The following CACNA1S variants were observed in gnomAD, a reference collection of about 807,000 sequenced individuals.
The protein encoded by CACNA1S is calcium voltage-gated channel subunit alpha1 S, also known as voltage-dependent L-type calcium channel subunit alpha-1S.
Under a neutral mutation model 207.4 loss-of-function variants are expected in CACNA1S, and 126 were observed. The observed-to-expected ratio is 0.61, with a 90% CI of 0.53 to 0.70. The LOEUF (loss-of-function observed/expected upper bound fraction) is 0.70. Ranked by LOEUF, CACNA1S falls within the 30% of genes least tolerant of loss-of-function variation. The probability of loss-of-function intolerance (pLI) is 0.00; values close to 1 mark genes in which losing one functional copy is unlikely to be tolerated. For missense variants in CACNA1S, 2,349 were observed against 2,422.8 expected (o/e 0.97, Z 0.64); for synonymous variants, 960 against 932.7 (o/e 1.03, Z -0.53).
chr1:201,068,399 T>C (rs930910780), intron 19 of CACNA1S, among the ~76,000 whole-genome samples: 18 of 150,900 alleles, frequency 1.2e-4, no homozygotes, highest in South Asian at 4.2e-4. Context: ...CCTGCCGCCA[T>C]GCCTGCCTAA....
At chr1:201,060,906 G>A in intron 25 of CACNA1S, 90 bp from the exon 26 acceptor site, 2 of 1,505,662 alleles carry the variant, frequency 1.3e-6, no homozygotes, top group Non-Finnish European at 1.8e-6. Flanking sequence ...GGCAAGTCAG[G>A]AGCAGCTGTG....
rs2275484 is a variant in CACNA1S, at chr1:201,062,603, G to C, written c.2854-89C>G. On this transcript the variant is annotated intron_variant, in intron 22 of 43. Coordinates refer to ENST00000362061, the MANE Select transcript of CACNA1S (RefSeq NM_000069.3). ...GGGCTCTGGGAGTGAACAGTGGAAGGGGGGAGGGAAGGCAGGCATCTGAAA... is the reference window on the plus strand; with the variant it reads ...GGGCTCTGGGAGTGAACAGTGGAAGCGGGGAGGGAAGGCAGGCATCTGAAA... The C allele has an allele frequency of 0.021, 24,263 of 1,162,068 alleles. 1,060 individuals carry two copies. Among genetic ancestry groups the C allele is most frequent in the East Asian group, 0.15 (6,091 of 41,648 alleles). 72.0% of individuals were successfully genotyped at this position (1,162,068 alleles called of 1,614,324 possible).
intron 2 of CACNA1S, among the ~76,000 whole-genome samples, chr1:201,102,081 C>G (rs1308006455): frequency 6.6e-6 from 1 of 152,176 alleles, no homozygotes; most frequent in Non-Finnish European, 1.5e-5. Flanking sequence ...CCAAGGCTTC[C>G]TTGTGCCTCC....
At chr1:201,052,462 C>T in intron 32 of CACNA1S, 95 bp downstream of exon 32, 3 of 961,172 alleles carry the variant, frequency 3.1e-6, no homozygotes, top group Non-Finnish European at 5.1e-6. Context: ...AGGTCACACA[C>T]CCATGAAGCC....
At chr1:201,050,909 A>G in intron 33 of CACNA1S, 75 bp downstream of exon 33, 1 of 1,491,424 alleles carries the variant, frequency 6.7e-7, no homozygotes, top group Non-Finnish European at 9.3e-7. Flanking sequence ...ACTGGCCAGG[A>G]AGGGGCAGGC....
At chr1:201,103,407 A>G (rs1273907309) in intron 2 of CACNA1S, among the ~76,000 whole-genome samples, 1 of 152,082 alleles carries the variant, frequency 6.6e-6, no homozygotes, top group Non-Finnish European at 1.5e-5. Flanking sequence ...GAGCTAGCAA[A>G]GCTTGGGCAA....
chr1:201,065,386 G>T (rs2102581149), intron 22 of CACNA1S, among the ~76,000 whole-genome samples: 1 of 152,342 alleles, frequency 6.6e-6, no homozygotes, highest in East Asian at 1.9e-4. Context: ...TGATTTAGGA[G>T]AGTTGTATTT....
Position 201,112,284 on chromosome 1 carries a change from G to T in CACNA1S, c.56C>A (p.Pro19Gln). Reference sequence around the variant, plus strand: ...TGGCCTTGGCAGAATCTCAGGAACTGGCTTCTTGGGCTGTTTCTTCCTCAG... The same window carrying T: ...TGGCCTTGGCAGAATCTCAGGAACTTGCTTCTTGGGCTGTTTCTTCCTCAG... The part of the protein sequence containing the change: ...EGLRKKQPKK[P>Q]VPEILPRPPR... Residue 19 changes from proline to glutamine, a missense_variant, in exon 1 of 44, where the codon CCA becomes CAA. Coordinates refer to ENST00000362061, the MANE Select transcript of CACNA1S (RefSeq NM_000069.3). 6.2e-7 allele frequency: 1 copy of T among 1,613,930 alleles called. No homozygotes were observed. The highest frequency in any genetic ancestry group is 8.5e-7 in the Non-Finnish European group (1 of 1,179,962).
At chr1:201,056,989 G>A (rs968017108) in intron 28 of CACNA1S, among the ~76,000 whole-genome samples, 87 of 152,218 alleles carry the variant, frequency 5.7e-4, no homozygotes, top group East Asian at 9.6e-4. Context: ...GGATCACTGC[G>A]GGAACCCCCT....
Position 201,112,171 on chromosome 1 carries a change from C to G in CACNA1S, c.152+17G>C, listed in dbSNP as rs113558244. ...ATGACGCACACCCCCCCCCACGGCC[C>G]GGGCCCTGAAGGATACTTCCATTCT... is the stretch of plus-strand genomic sequence containing the variant. On this transcript the variant is annotated intron_variant, in intron 1 of 43. Transcript: ENST00000362061. 17,247 of 1,609,462 alleles carry G rather than the reference C, an allele frequency of 0.011. 740 individuals are homozygous for G. In the African/African-American group the frequency reaches 0.11, roughly 10 times the overall value.
intron 19 of CACNA1S, among the ~76,000 whole-genome samples, chr1:201,068,934 G>C (rs758483518): frequency 2.0e-5 from 3 of 152,182 alleles, no homozygotes; most frequent in Non-Finnish European, 4.4e-5. Flanking sequence ...CTGTGGATGG[G>C]GGAGCCACAG....
chr1:201,058,784 T>C (rs1430629927), intron 27 of CACNA1S, among the ~76,000 whole-genome samples: 1 of 152,126 alleles, frequency 6.6e-6, no homozygotes, highest in Non-Finnish European at 1.5e-5. Flanking sequence ...AGAGATCTCT[T>C]TCATCCCCTG....
In CACNA1S at chr1:201,041,669, C is replaced by T. The variant is rs1660218815; in HGVS notation, c.5049-80G>A. 5 of 1,080,162 alleles carry T rather than the reference C, an allele frequency of 4.6e-6. No homozygotes were observed. The Admixed American group carries it at 7.4e-5, about 16-fold the overall frequency. 66.9% of individuals were successfully genotyped at this position (1,080,162 alleles called of 1,614,324 possible). On this transcript the variant is annotated intron_variant, in intron 40 of 43. Transcript: ENST00000362061. ...TCCCTGCCTCTCTGGCCCCAAACAT[C>T]CTTTTCCCTCAGAGCCTGTACAAGG... is the stretch of plus-strand genomic sequence containing the variant.
chr1:201,077,831 G>T, intron 11 of CACNA1S, 48 bp downstream of exon 11: 2 of 1,357,504 alleles, frequency 1.5e-6, no homozygotes, highest in Non-Finnish European at 1.0e-6. Flanking sequence ...AGACCAGCCC[G>T]TGGTGCCTGC....
chr1:201,087,764 C>A (rs1443377726), intron 7 of CACNA1S, 62 bp downstream of exon 7: 2 of 1,063,824 alleles, frequency 1.9e-6, no homozygotes, highest in East Asian at 5.1e-5. Flanking sequence ...CCTTTTCCTT[C>A]CTCCTCCTTC....
In CACNA1S at chr1:201,092,147, G is replaced by A. The variant is rs536437530; in HGVS notation, c.399-33C>T. The A allele has an allele frequency of 3.7e-6, 6 of 1,614,034 alleles. No homozygotes were observed. In the South Asian group the frequency reaches 5.5e-5, roughly 15 times the overall value. On this transcript the variant is annotated intron_variant, in intron 3 of 43. Transcript: ENST00000362061. Reference sequence around the variant, plus strand: ...GGAGAAGAGGGAGAGAGGGGGTCCAGGGGTTGGAAAAGCCACTGCCCCAGT... The same window carrying A: ...GGAGAAGAGGGAGAGAGGGGGTCCAAGGGTTGGAAAAGCCACTGCCCCAGT...
chr1:201,060,983 C>T (rs984534132), intron 25 of CACNA1S, among the ~76,000 whole-genome samples, 167 bp from the exon 26 acceptor site: 9 of 152,200 alleles, frequency 5.9e-5, no homozygotes, highest in Non-Finnish European at 1.0e-4. Context: ...TTGGGTTCCC[C>T]TTGAGTTATC....
At chr1:201,109,908 G>T (rs1172982320) in intron 2 of CACNA1S, among the ~76,000 whole-genome samples, 2 of 152,176 alleles carry the variant, frequency 1.3e-5, no homozygotes, top group Non-Finnish European at 2.9e-5. Context: ...CTCTCATCAG[G>T]TATTAGCACA....
At chr1:201,041,864 C>T in intron 40 of CACNA1S, 1 of 501,834 alleles carries the variant, frequency 2.0e-6, no homozygotes, top group South Asian at 2.1e-5. Context: ...GGCCCAGCTG[C>T]AGCCTCCCAG....
Sources: gnomAD v4.1 joint callset for allele counts (sites outside exome capture counted in the v4.1 genomes callset) on GRCh38, gnomAD v4.1.1 for gene constraint, MANE v1.5 for transcripts, NCBI Gene and HGNC (gene_info 2026-07-23, HGNC 2026-07-21) for gene names.